Variants in IDNK observed in about 807,000 individuals in gnomAD.
IDNK encodes the protein IDNK gluconokinase, also known as gluconokinase.
In IDNK, 9 loss-of-function variants were observed where a neutral mutation model predicts 13.0. The ratio of observed to expected loss-of-function variants is 0.69; its 90% CI spans 0.42 to 1.21. The LOEUF (loss-of-function observed/expected upper bound fraction) is 1.21. IDNK is among the 50% of genes most tolerant of loss of function. The probability of loss-of-function intolerance (pLI) is 0.00; values close to 1 mark genes in which losing one functional copy is unlikely to be tolerated. For missense variants in IDNK, 210 were observed against 237.8 expected (o/e 0.88, Z 0.77); for synonymous variants, 92 against 94.9 (o/e 0.97, Z 0.18).
chr9:83,635,963 A>G (rs1302719325), intron 3 of IDNK, among the ~76,000 whole-genome samples: 2 of 152,214 alleles, frequency 1.3e-5, no homozygotes, highest in Non-Finnish European at 1.5e-5. Flanking sequence ...CTAATGTGGG[A>G]GGCTTCAAGG....
chr9:83,643,365 C>T, intron 4 of IDNK, 64 bp from the exon 5 acceptor site: 1 of 1,309,354 alleles, frequency 7.6e-7, no homozygotes, highest in Non-Finnish European at 1.0e-6. Context: ...CTAGAATTGA[C>T]AGAGGTTACT....
At chr9:83,624,075 G>A (rs1486987427) in intron 1 of IDNK, among the ~76,000 whole-genome samples, 1 of 152,196 alleles carries the variant, frequency 6.6e-6, no homozygotes, top group East Asian at 1.9e-4. Flanking sequence ...ATTTACTCCA[G>A]GTAGATGGGT....
intron 3 of IDNK, among the ~76,000 whole-genome samples, chr9:83,635,674 C>A (rs781186580): frequency 2.8e-4 from 43 of 152,352 alleles, no homozygotes; most frequent in Middle Eastern, 3.4e-3. Context: ...AACTGTTGAT[C>A]TTTAAATTTA....
intron 3 of IDNK, among the ~76,000 whole-genome samples, chr9:83,633,447 G>A (rs1168203121): frequency 1.3e-5 from 2 of 152,168 alleles, no homozygotes; most frequent in African/African-American, 4.8e-5. Flanking sequence ...TGACTTAATA[G>A]ATTACTCATT....
At chr9:83,623,134 G>A, upstream of IDNK, 1 of 1,408,024 alleles carries the variant, frequency 7.1e-7, no homozygotes, top group Non-Finnish European at 9.2e-7. Flanking sequence ...GGGGCCGGCG[G>A]GGCCCGGAAG....
rs373693571 is a variant in IDNK at position 83,626,606 on chromosome 9, G to A, written c.51-1575G>A. The A allele has an allele frequency of 7.2e-5, 54 of 750,328 alleles. No individual in the cohort carries two copies. The East Asian group carries it at 2.5e-3, about 34-fold the overall frequency. The allele number at this position is 750,328 out of a possible 1,614,324, so 46.5% of individuals were successfully genotyped here. ...TAAGTTTTGTATTTTTAGTTGAGAC[G>A]GGGTTTTGCCATGTTGGCCGAGCTA... is the stretch of plus-strand genomic sequence containing the variant. On this transcript the variant is annotated intron_variant, in intron 1 of 4. Coordinates refer to ENST00000376419, the MANE Select transcript of IDNK (RefSeq NM_001001551.4).
intron 3 of IDNK, among the ~76,000 whole-genome samples, chr9:83,633,805 A>G (rs914621661): frequency 3.3e-5 from 5 of 152,248 alleles, no homozygotes; most frequent in African/African-American, 9.6e-5. Flanking sequence ...TTCAAAGATC[A>G]TACTTCTCCT....
chr9:83,628,302 A>G, intron 2 of IDNK, 91 bp downstream of exon 2: 1 of 1,140,288 alleles, frequency 8.8e-7, no homozygotes, highest in Non-Finnish European at 1.3e-6. Context: ...TTGTACAGAC[A>G]CTTCCACATG....
rs1370412617 is a variant in IDNK at position 83,628,231 on chromosome 9, G to A, written c.81+20G>A. On this transcript the variant is annotated intron_variant, in intron 2 of 4. Transcript: ENST00000376419. ...TCTGAGGTTAGTAACCTGTCCTAAT[G>A]CCTTCCGAGTGCTTGTCCCATTGTG... 5.9e-6 allele frequency: 9 copies of A among 1,538,456 alleles called. No individual in the cohort carries two copies. The highest frequency in any genetic ancestry group is 7.9e-6 in the Non-Finnish European group (9 of 1,136,068).
rs537476904 is a variant in IDNK at position 83,636,723 on chromosome 9, C to T, written c.169-4825C>T. Reference sequence around the variant, plus strand: ...ACAGAAGGGCAGACTGTCAACTTCTCAGTCTAATGGAGAAATTTCAAAAAC... The same window carrying T: ...ACAGAAGGGCAGACTGTCAACTTCTTAGTCTAATGGAGAAATTTCAAAAAC... On this transcript the variant is annotated intron_variant, in intron 3 of 4. Coordinates refer to ENST00000376419, the MANE Select transcript of IDNK (RefSeq NM_001001551.4). Among the ~76,000 whole-genome samples the T allele has an allele frequency of 4.7e-4, 72 of 152,294 alleles. No homozygotes were observed. The South Asian group carries it at 0.015, about 32-fold the overall frequency.
upstream of IDNK, chr9:83,623,072 A>G: frequency 1.1e-6 from 1 of 948,830 alleles, no homozygotes; most frequent in Non-Finnish European, 1.4e-6. Flanking sequence ...CACGGCCCTC[A>G]CTGCCCCGGC....
In IDNK at chr9:83,644,010, T is replaced by C; in HGVS notation, c.*230T>C. 2.2e-6 allele frequency: 1 copy of C among 452,380 alleles called. No individual in the cohort carries two copies. Among genetic ancestry groups the C allele is most frequent in the South Asian group, 3.0e-5 (1 of 33,302 alleles). 28.0% of individuals were successfully genotyped at this position (452,380 alleles called of 1,614,324 possible). A position where few individuals can be genotyped will look rare whatever the true frequency, so the allele number is the denominator to read the frequency against. On this transcript the variant is annotated 3_prime_UTR_variant, in exon 5 of 5. Coordinates refer to ENST00000376419, the MANE Select transcript of IDNK (RefSeq NM_001001551.4). ...TTAAATTGAAGTTTAAATTCATCTA[T>C]AACCAAATCAAATGATCAGAGGAAA... is the stretch of plus-strand genomic sequence containing the variant.
chr9:83,633,155 C>T (rs960366503), intron 3 of IDNK, among the ~76,000 whole-genome samples: 4 of 152,066 alleles, frequency 2.6e-5, no homozygotes, highest in African/African-American at 7.2e-5. Context: ...CTGGCTAACA[C>T]GGTGAAATCC....
intron 1 of IDNK, chr9:83,626,792 A>G: frequency 2.6e-6 from 3 of 1,165,456 alleles, no homozygotes; most frequent in Non-Finnish European, 3.2e-6. Context: ...GGGATGGTCT[A>G]CTCATCCGTA....
At chr9:83,626,791 T>A (rs1316617244) in intron 1 of IDNK, 3 of 1,167,064 alleles carry the variant, frequency 2.6e-6, no homozygotes, top group Non-Finnish European at 3.2e-6. Context: ...CGGGATGGTC[T>A]ACTCATCCGT....
intron 3 of IDNK, among the ~76,000 whole-genome samples, chr9:83,633,592 CTT>C (rs964592746): frequency 2.6e-5 from 4 of 152,324 alleles, no homozygotes; most frequent in African/African-American, 7.2e-5. Flanking sequence ...AATTTAAACT[CTT>C]TCAAAAATTC....
chr9:83,627,545 C>G (rs1057447062), intron 1 of IDNK, among the ~76,000 whole-genome samples: 8 of 152,142 alleles, frequency 5.3e-5, no homozygotes, highest in African/African-American at 1.9e-4. Flanking sequence ...GGCCCCATCT[C>G]CAGTACTGAG....
chr9:83,641,194 C>A (rs1441423538), intron 3 of IDNK, among the ~76,000 whole-genome samples: 4 of 152,178 alleles, frequency 2.6e-5, no homozygotes, highest in African/African-American at 9.7e-5. Flanking sequence ...ATGTGAATAT[C>A]TCTCTACATT....
chr9:83,642,158 C>T (rs1315685255), intron 4 of IDNK, among the ~76,000 whole-genome samples: 1 of 96,786 alleles, frequency 1.0e-5, no homozygotes, highest in Non-Finnish European at 2.3e-5. Context: ...GAACAGGGTC[C>T]CCCCCCAACA....
Sources: gnomAD v4.1 joint callset for allele counts (sites outside exome capture counted in the v4.1 genomes callset) on GRCh38, gnomAD v4.1.1 for gene constraint, MANE v1.5 for transcripts, NCBI Gene and HGNC (gene_info 2026-07-23, HGNC 2026-07-21) for gene names.